IPO5: variants seen among roughly 807,000 people sequenced by gnomAD.
IPO5 encodes importin 5, also known as importin-5.
In IPO5, 18 loss-of-function variants were observed where a neutral mutation model predicts 143.3. The ratio of observed to expected loss-of-function variants is 0.13; its 90% confidence interval spans 0.09 to 0.19. IPO5 has a LOEUF of 0.19. Ranked by LOEUF, IPO5 falls within the 10% of genes least tolerant of loss-of-function variation. IPO5 has a pLI of 1.00. For missense variants in IPO5, 1,013 were observed against 1,336.9 expected, an observed-to-expected ratio of 0.76 and a Z score of 3.78; for synonymous variants, 477 against 465.7, an observed-to-expected ratio of 1.02 and a Z score of -0.31.
intron 7 of IPO5, among the ~76,000 whole-genome samples, chr13:97,989,392 T>C (rs933406966): frequency 6.6e-6 from 1 of 152,198 alleles, no homozygotes; most frequent in African/African-American, 2.4e-5. Flanking sequence ...GCTTGCTTTC[T>C]CTTTGTCTTT....
intron 2 of IPO5, among the ~76,000 whole-genome samples, chr13:97,964,640 G>A (rs181829161): frequency 7.9e-4 from 119 of 151,588 alleles, no homozygotes; most frequent in Admixed American, 2.3e-3. Flanking sequence ...AAGTAGAGAC[G>A]GGGTTTCACC....
intron 5 of IPO5, among the ~76,000 whole-genome samples, chr13:97,983,537 A>AAC (rs1887035838): frequency 1.0e-5 from 1 of 99,552 alleles, no homozygotes; most frequent in African/African-American, 3.7e-5. Context: ...AGCTAATTCC[A>AAC]CCCCCCCCCC....
chr13:98,006,674 T>A (rs630898), intron 17 of IPO5, among the ~76,000 whole-genome samples: 97,439 of 151,738 alleles, frequency 0.64, 32,715 homozygotes, highest in African/African-American at 0.86. Context: ...GTGCCCGGCC[T>A]GTAATTTCTA....
At chr13:97,966,982 G>A (rs2139528778) in intron 2 of IPO5, among the ~76,000 whole-genome samples, 1 of 152,276 alleles carries the variant, frequency 6.6e-6, no homozygotes, top group Non-Finnish European at 1.5e-5. Flanking sequence ...GTTGCAGTGA[G>A]CTAAGATCAC....
chr13:97,998,038 C>T (rs138600601), intron 12 of IPO5, among the ~76,000 whole-genome samples: 2 of 152,134 alleles, frequency 1.3e-5, no homozygotes, highest in Non-Finnish European at 2.9e-5. Context: ...TGCAGTGGCG[C>T]GATCTCGGCT....
intron 16 of IPO5, among the ~76,000 whole-genome samples, chr13:98,004,339 G>GC (rs1311828337): frequency 1.3e-5 from 2 of 152,280 alleles, no homozygotes; most frequent in African/African-American, 4.8e-5. Flanking sequence ...ATAAACAAAG[G>GC]CCCAAGTGCT....
At chr13:97,993,643 A>G (rs551362015) in intron 11 of IPO5, among the ~76,000 whole-genome samples, 1 of 152,326 alleles carries the variant, frequency 6.6e-6, no homozygotes, top group South Asian at 2.1e-4. Context: ...GGCTCTGTTC[A>G]CTATATTACA....
intron 27 of IPO5, 39 bp from the exon 28 acceptor site, chr13:98,020,953 A>G (rs761654398): frequency 1.3e-6 from 2 of 1,545,408 alleles, no homozygotes; most frequent in Non-Finnish European, 1.8e-6. Context: ...ATTTCTCCTT[A>G]TAAATTTCAC....
At position 98,018,611 on chromosome 13, in the gene IPO5, T is replaced by C; in HGVS notation, c.2743T>C (p.Cys915Arg). The stretch of plus-strand genomic sequence containing the variant: ...CTTAAGACCAATGCTCCAATATGTA[T>C]GTGACAACAGCCCAGAAGTCAGGCA... ...YFLRPMLQYV[C>R]DNSPEVRQAA... The change falls in exon 26 of 29, where the codon TGT (cysteine) becomes CGT (arginine). Residue 915 changes from cysteine (C) to arginine (R), a missense_variant. Around this residue, in one of 2 missense-constraint regions of IPO5, gnomAD observed 685 missense variants for 994.9 expected, o/e 0.69. Coordinates refer to ENST00000651721, the MANE Select transcript of IPO5 (RefSeq NM_002271.6). 1.9e-6 allele frequency: 3 copies of C among 1,614,186 alleles called. No homozygotes were observed. The highest frequency in any genetic ancestry group is 2.5e-6 in the Non-Finnish European group (3 of 1,180,020).
rs2139890922 is a variant in IPO5, at chr13:98,021,721, T to C, written c.3208-15T>C. The stretch of plus-strand genomic sequence containing the variant: ...GCATTTCGTCCTAAGTCTGTGAAAA[T>C]GTTTCTTTCCCTAGACTTCTGGAGG... On this transcript the variant is annotated splice_polypyrimidine_tract_variant and intron_variant, in intron 28 of 28. Transcript: ENST00000651721. 1 of 1,480,204 alleles carries C rather than the reference T, an allele frequency of 6.8e-7. No individual in the cohort carries two copies. Among genetic ancestry groups the C allele is most frequent in the Non-Finnish European group, 9.2e-7 (1 of 1,088,692 alleles). The allele number at this position is 1,480,204 out of a possible 1,614,324, so 91.7% of individuals were successfully genotyped here. A position where few individuals can be genotyped will look rare whatever the true frequency, so the allele number is the denominator to read the frequency against.
At chr13:98,009,736 A>G in intron 18 of IPO5, 145 bp from the exon 19 acceptor site, 1 of 657,284 alleles carries the variant, frequency 1.5e-6, no homozygotes, top group Non-Finnish European at 2.5e-6. Flanking sequence ...CCTTTTAAGT[A>G]CATAACCTTT....
chr13:97,998,397 C>T (rs1290990088), intron 12 of IPO5, among the ~76,000 whole-genome samples: 1 of 152,124 alleles, frequency 6.6e-6, no homozygotes, highest in Admixed American at 6.6e-5. Flanking sequence ...GTGATAAATG[C>T]TTTTACAGGC....
intron 27 of IPO5, among the ~76,000 whole-genome samples, chr13:98,020,629 T>C (rs1265419296): frequency 6.6e-6 from 1 of 152,246 alleles, no homozygotes; most frequent in African/African-American, 2.4e-5. Context: ...TATTTCCCAG[T>C]TTATTCTTGA....
At chr13:97,974,874 A>T (rs898156528) in intron 3 of IPO5, among the ~76,000 whole-genome samples, 1 of 152,196 alleles carries the variant, frequency 6.6e-6, no homozygotes, top group African/African-American at 2.4e-5. Context: ...AAACTTTCTA[A>T]GAGAATTTTC....
intron 2 of IPO5, among the ~76,000 whole-genome samples, chr13:97,965,242 C>T (rs1250826839): frequency 2.6e-5 from 4 of 152,106 alleles, no homozygotes; most frequent in African/African-American, 9.7e-5. Context: ...TTAATGCATG[C>T]AGGGCTTAAA....
intron 9 of IPO5, among the ~76,000 whole-genome samples, chr13:97,991,857 A>C (rs1887831142): frequency 6.6e-6 from 1 of 152,250 alleles, no homozygotes; most frequent in African/African-American, 2.4e-5. Flanking sequence ...ATAATGTGAA[A>C]TGCATAATGA....
intron 17 of IPO5, among the ~76,000 whole-genome samples, chr13:98,007,826 C>G (rs1889397224): frequency 6.6e-6 from 1 of 152,136 alleles, no homozygotes; most frequent in Non-Finnish European, 1.5e-5. Context: ...ACACCTGATG[C>G]CATTAGAAGT....
intron 13 of IPO5, chr13:98,001,003 CCT>C: frequency 4.4e-6 from 1 of 228,340 alleles, no homozygotes; most frequent in Non-Finnish European, 8.8e-6. Context: ...TGTTTTTGCC[CCT>C]GACGGAGGTG....
In IPO5 at chr13:97,992,950, T is replaced by C; in HGVS notation, c.728T>C (p.Ile243Thr). The C allele has an allele frequency of 1.2e-6, 2 of 1,613,882 alleles. No individual in the cohort carries two copies. The highest frequency in any genetic ancestry group is 1.7e-6 in the Non-Finnish European group (2 of 1,179,764). ...TCTGTCCTAAAATCCCTCGTTGAGA[T>C]TGCAGATACTGTTCCAAAGTATTTG... ...DDSVLKSLVE[I>T]ADTVPKYLRP... The change falls in exon 10 of 29, where the codon ATT (isoleucine) becomes ACT (threonine). Residue 243 changes from isoleucine (I) to threonine (T), a missense_variant. Transcript: ENST00000651721.
Sources: allele counts gnomAD v4.1 joint callset (sites outside exome capture counted in the v4.1 genomes callset), GRCh38; gene constraint gnomAD v4.1.1; regional missense constraint gnomAD v4.1.1; transcripts MANE v1.5; gene names NCBI Gene and HGNC (gene_info 2026-07-23, HGNC 2026-07-21).